Variants in WWOX observed in about 807,000 individuals in gnomAD.
The protein encoded by WWOX is WW domain containing oxidoreductase.
Under a neutral mutation model 46.2 loss-of-function variants are expected in WWOX, and 69 were observed. That is an observed-to-expected ratio of 1.49 (90% CI 1.23 to 1.82). WWOX has a LOEUF of 1.82. Ranked by LOEUF, WWOX falls within the 40% of genes most tolerant of loss-of-function variation. The pLI is 0.00. For synonymous variants in WWOX, 359 were observed against 202.6 expected (o/e 1.77, Z -6.56); for missense variants, 919 against 542.6 (o/e 1.69, Z -6.89).
rs778834456 is a variant in WWOX, at chr16:79,211,781, C to G, written c.1230C>G (p.Gly410=). The G allele has an allele frequency of 3.7e-6, 6 of 1,613,974 alleles. No homozygotes were observed. The South Asian group carries it at 5.5e-5, about 15-fold the overall frequency. The change falls in exon 9 of 9, where the codon GGC becomes GGG. Residue 410 remains glycine, a synonymous_variant. Coordinates refer to ENST00000566780, the MANE Select transcript of WWOX (RefSeq NM_016373.4). The part of the protein sequence containing the change: ...LSERLIQERL[G]SQSG ...AGAGGCTGATCCAAGAACGGCTTGG[C>G]AGCCAGTCCGGCTAAGTGGAGCTCA...
chr16:78,949,071 C>A (rs2046005915), intron 8 of WWOX, among the ~76,000 whole-genome samples: 2 of 152,162 alleles, frequency 1.3e-5, no homozygotes, highest in African/African-American at 4.8e-5. Context: ...AAATAGGGAC[C>A]TTCCACCTAC....
chr16:78,307,102 A>T (rs1181452520), intron 5 of WWOX, among the ~76,000 whole-genome samples: 1 of 152,164 alleles, frequency 6.6e-6, no homozygotes, highest in Non-Finnish European at 1.5e-5. Flanking sequence ...TTTCACTGGG[A>T]TTTCTACACC....
chr16:78,409,579 A>G (rs1234233458), intron 6 of WWOX, among the ~76,000 whole-genome samples: 1 of 152,162 alleles, frequency 6.6e-6, no homozygotes, highest in Non-Finnish European at 1.5e-5. Context: ...AACATACACT[A>G]TCTCACTCTG....
chr16:78,484,851 C>T (rs1326165851), intron 8 of WWOX, among the ~76,000 whole-genome samples: 2 of 152,144 alleles, frequency 1.3e-5, no homozygotes, highest in Non-Finnish European at 2.9e-5. Context: ...ATGTGAAGTG[C>T]CATTGCATTT....
intron 7 of WWOX, among the ~76,000 whole-genome samples, chr16:78,431,450 C>G (rs182277550): frequency 2.4e-4 from 36 of 152,276 alleles, no homozygotes; most frequent in Admixed American, 3.9e-4. Context: ...ATACAGGACT[C>G]AAGCATTAGC....
intron 5 of WWOX, among the ~76,000 whole-genome samples, chr16:78,292,652 T>C (rs1201165108): frequency 6.6e-6 from 1 of 152,078 alleles, no homozygotes. Flanking sequence ...AAAATAAAGC[T>C]CTTCCTAAAT....
At position 78,294,862 on chromosome 16, in the gene WWOX, CAAAT is replaced by C. The variant is rs2079918555; in HGVS notation, c.517-91997_517-91994del. Among the ~76,000 whole-genome samples, 3 of 139,728 alleles carry C rather than the reference CAAAT, an allele frequency of 2.1e-5. 1 individual carries two copies. In the South Asian group the frequency reaches 6.6e-4, roughly 31 times the overall value. The allele number at this position is 139,728 out of a possible 152,430, so 91.7% of individuals were successfully genotyped here. ...AACAAACTAATGAACACTAAATGAA[CAAAT>C]GAATGAATGAATGGACAAATGAATG... On this transcript the variant is annotated intron_variant, in intron 5 of 8. Transcript: ENST00000566780.
intron 4 of WWOX, among the ~76,000 whole-genome samples, chr16:78,163,716 T>C (rs1033008568): frequency 6.6e-6 from 1 of 152,194 alleles, no homozygotes; most frequent in Non-Finnish European, 1.5e-5. Flanking sequence ...TAGGTAACAC[T>C]GGTAGAAGCA....
At chr16:78,821,743 G>A (rs1367230589) in intron 8 of WWOX, among the ~76,000 whole-genome samples, 1 of 152,214 alleles carries the variant, frequency 6.6e-6, no homozygotes, top group Non-Finnish European at 1.5e-5. Context: ...TCTGAGGCTG[G>A]ACTGAGTCTT....
rs1018603993 is a variant in WWOX at position 78,472,907 on chromosome 16, C to G, written c.1056+40155C>G. On this transcript the variant is annotated intron_variant, in intron 8 of 8. Transcript: ENST00000566780. Reference sequence around the variant, plus strand: ...CAAGATGGGATTACTGCGCCACTCCCTTCTTCCCAGTCTGTGGTTTAGCAC... The same window carrying G: ...CAAGATGGGATTACTGCGCCACTCCGTTCTTCCCAGTCTGTGGTTTAGCAC... Among the ~76,000 whole-genome samples the G allele has an allele frequency of 2.6e-5, 4 of 152,054 alleles. No homozygotes were observed. In the South Asian group the frequency reaches 6.2e-4, roughly 24 times the overall value.
At chr16:78,803,239 A>C (rs898034964) in intron 8 of WWOX, among the ~76,000 whole-genome samples, 1 of 149,502 alleles carries the variant, frequency 6.7e-6, no homozygotes. Context: ...TGAAGAAGTG[A>C]GAGTTTTTTT....
intron 8 of WWOX, among the ~76,000 whole-genome samples, chr16:78,702,447 T>G (rs2048244727): frequency 6.6e-6 from 1 of 151,632 alleles, no homozygotes; most frequent in Non-Finnish European, 1.5e-5. Flanking sequence ...GGTCAGGAGT[T>G]TGAGACCAGC....
At chr16:78,527,055 A>C (rs1430599810) in intron 8 of WWOX, among the ~76,000 whole-genome samples, 1 of 152,116 alleles carries the variant, frequency 6.6e-6, no homozygotes, top group African/African-American at 2.4e-5. Context: ...TCCCTGCTAC[A>C]CAGGAAGCTG....
At chr16:78,253,595 A>G (rs987691082) in intron 5 of WWOX, among the ~76,000 whole-genome samples, 1 of 152,174 alleles carries the variant, frequency 6.6e-6, no homozygotes, top group Admixed American at 6.5e-5. Flanking sequence ...GAATGCCATG[A>G]TTTCACAAAC....
intron 8 of WWOX, among the ~76,000 whole-genome samples, chr16:78,746,139 T>G (rs979280624): frequency 5.3e-5 from 8 of 152,172 alleles, no homozygotes; most frequent in African/African-American, 1.9e-4. Context: ...TTTGATATGA[T>G]GAACCATGGG....
intron 5 of WWOX, among the ~76,000 whole-genome samples, chr16:78,164,716 A>G (rs1156946632): frequency 6.6e-6 from 1 of 152,230 alleles, no homozygotes; most frequent in African/African-American, 2.4e-5. Flanking sequence ...ATAAATATTT[A>G]CTAAGGGCTT....
intron 8 of WWOX, among the ~76,000 whole-genome samples, chr16:79,138,236 G>A (rs765260845): frequency 5.3e-5 from 8 of 152,174 alleles, no homozygotes; most frequent in East Asian, 1.9e-4. Context: ...GTTGGGGAAG[G>A]TTTTATGTTC....
At chr16:78,867,978 A>G (rs1331282865) in intron 8 of WWOX, among the ~76,000 whole-genome samples, 1 of 152,238 alleles carries the variant, frequency 6.6e-6, no homozygotes, top group Non-Finnish European at 1.5e-5. Flanking sequence ...ACAGTTGTCC[A>G]GTGCCTTAAA....
chr16:78,697,627 A>G lies in WWOX; in HGVS notation c.1056+264875A>G, dbSNP rs78846450. On this transcript the variant is annotated intron_variant, in intron 8 of 8. Transcript: ENST00000566780. ...GACAGTTCTCAAAAGAAGATACACA[A>G]ATGACCACCATACGTGAAAAAATGC... 2.4e-3 allele frequency among the ~76,000 whole-genome samples: 364 copies of G among 152,264 alleles called. 1 individual carries two copies. The highest frequency in any genetic ancestry group is 8.4e-3 in the African/African-American group (350 of 41,568).
Sources: allele counts gnomAD v4.1 joint callset (sites outside exome capture counted in the v4.1 genomes callset), GRCh38; gene constraint gnomAD v4.1.1; transcripts MANE v1.5; gene names NCBI Gene and HGNC (gene_info 2026-07-23, HGNC 2026-07-21).